Variants in ITPK1 observed in about 807,000 individuals in gnomAD.
ITPK1 encodes the protein inositol-tetrakisphosphate 1-kinase, also known as inositol 1,3,4-trisphosphate 5/6-kinase.
ITPK1 carries 21 observed loss-of-function variants against 45.3 expected under a neutral mutation model. The observed-to-expected ratio is 0.46, with a 90% confidence interval of 0.33 to 0.67. The LOEUF (loss-of-function observed/expected upper bound fraction) is 0.67. ITPK1 is among the 30% of genes least tolerant of loss of function. The pLI is 0.02. For missense variants in ITPK1, 474 were observed against 573.5 expected (o/e 0.83, Z 1.77); for synonymous variants, 258 against 253.6 (o/e 1.02, Z -0.16).
chr14:93,107,445 C>T (rs1234172138), intron 2 of ITPK1, among the ~76,000 whole-genome samples: 1 of 152,210 alleles, frequency 6.6e-6, no homozygotes, highest in African/African-American at 2.4e-5. Flanking sequence ...GCCTAAGTAT[C>T]AGTGAAGATT....
At position 92,939,654 on chromosome 14, in the gene ITPK1, T is replaced by C. The variant is rs948738532; in HGVS notation, c.*1907A>G. The stretch of plus-strand genomic sequence containing the variant: ...ACGACACCACATGGCAGTTACTCGG[T>C]ATCTGGGCCCTGGACGCGCAAGACC... On this transcript the variant is annotated 3_prime_UTR_variant, in exon 11 of 11. Transcript: ENST00000267615. 2 of 983,588 alleles carry C rather than the reference T, an allele frequency of 2.0e-6. No homozygotes were observed. The highest frequency in any genetic ancestry group is 1.2e-4 in the Admixed American group (2 of 16,194). 60.9% of individuals were successfully genotyped at this position (983,588 alleles called of 1,614,324 possible). A position where few individuals can be genotyped will look rare whatever the true frequency, so the allele number is the denominator to read the frequency against.
Position 93,083,279 on chromosome 14 carries a change from A to G in ITPK1, c.96-6660T>C, listed in dbSNP as rs189802311. 1.5e-3 allele frequency among the ~76,000 whole-genome samples: 224 copies of G among 152,220 alleles called. 1 individual carries two copies. Among genetic ancestry groups the G allele is most frequent in the African/African-American group, 5.3e-3 (222 of 41,524 alleles). ...CCTGCCACACAGCACAGCAGGGCACAAAAGGCTCAGGGACCATGACCAGCA... is the reference window on the plus strand; with the variant it reads ...CCTGCCACACAGCACAGCAGGGCACGAAAGGCTCAGGGACCATGACCAGCA... On this transcript the variant is annotated intron_variant, in intron 2 of 10. Coordinates refer to ENST00000267615, the MANE Select transcript of ITPK1 (RefSeq NM_014216.6).
At chr14:92,995,136 C>A (rs543471173) in intron 4 of ITPK1, among the ~76,000 whole-genome samples, 1 of 152,342 alleles carries the variant, frequency 6.6e-6, no homozygotes, top group East Asian at 1.9e-4. Context: ...ACTGCTGACG[C>A]CCTGACTGGA....
intron 5 of ITPK1, among the ~76,000 whole-genome samples, chr14:92,971,445 A>T (rs971314156): frequency 1.3e-5 from 2 of 152,212 alleles, no homozygotes; most frequent in African/African-American, 4.8e-5. Context: ...CATCCAGCAG[A>T]TGCTGAGGAT....
intron 9 of ITPK1, among the ~76,000 whole-genome samples, chr14:92,950,252 T>C (rs1407159109): frequency 6.6e-6 from 1 of 152,202 alleles, no homozygotes; most frequent in African/African-American, 2.4e-5. Context: ...GAGGAGGGCT[T>C]CCTGCACCAG....
At position 92,941,769 on chromosome 14, in the gene ITPK1, G is replaced by A. The variant is rs778995594; in HGVS notation, c.1037C>T (p.Ala346Val). Residue 346 changes from alanine (A) to valine (V), a missense_variant, in exon 11 of 11, where the codon GCG (alanine) becomes GTG (valine). Physicochemically the swap from Ala to Val is moderately conservative, Grantham distance 64. Around this residue, in one of 2 missense-constraint regions of ITPK1, gnomAD observed 367 missense variants for 480.6 expected, o/e 0.76. Transcript: ENST00000267615. ...LRHSKLLAEP[A>V]GGLVGERTCS... ...TGTCCGCTCGCCCACCAGGCCGCCC[G>A]CCGGCTCGGCCAGAAGCTTGCTGTG... is the stretch of plus-strand genomic sequence containing the variant. 131 of 1,606,356 alleles carry A rather than the reference G, an allele frequency of 8.2e-5. No individual in the cohort carries two copies. Among genetic ancestry groups the A allele is most frequent in the Admixed American group, 1.7e-4 (10 of 59,544 alleles).
Position 92,962,850 on chromosome 14 carries a change from C to T in ITPK1, c.365-1G>A. The T allele has an allele frequency of 6.2e-7, 1 of 1,610,780 alleles. No individual in the cohort carries two copies. Among genetic ancestry groups the T allele is most frequent in the Non-Finnish European group, 8.5e-7 (1 of 1,177,622 alleles). ...AAGGGTGGCGAGCAGATCCTGTCGTCTAGGGCAGAAGGGAGGCCTGGTCAG... is the reference window on the plus strand; with the variant it reads ...AAGGGTGGCGAGCAGATCCTGTCGTTTAGGGCAGAAGGGAGGCCTGGTCAG... On this transcript the variant is annotated splice_acceptor_variant, in intron 5 of 10. Coordinates refer to ENST00000267615, the MANE Select transcript of ITPK1 (RefSeq NM_014216.6). LOFTEE classifies it high-confidence loss of function.
At chr14:93,011,503 T>C (rs544996499) in intron 4 of ITPK1, among the ~76,000 whole-genome samples, 1 of 152,344 alleles carries the variant, frequency 6.6e-6, no homozygotes, top group Admixed American at 6.5e-5. Flanking sequence ...CAAGTGTGCA[T>C]TCTCTTCCGG....
chr14:93,080,261 G>A (rs555388423), intron 2 of ITPK1, among the ~76,000 whole-genome samples: 2 of 152,156 alleles, frequency 1.3e-5, no homozygotes, highest in South Asian at 2.1e-4. Flanking sequence ...ATCATGGCAG[G>A]GCCCCTGGTC....
intron 5 of ITPK1, among the ~76,000 whole-genome samples, chr14:92,980,761 C>T (rs1405539007): frequency 3.3e-5 from 5 of 152,124 alleles, no homozygotes; most frequent in South Asian, 2.1e-4. Flanking sequence ...CTATAACCTC[C>T]GCCTCCCAGG....
rs1889230373 is a variant in ITPK1 at position 93,034,523 on chromosome 14, G to T, written c.121-17722C>A. 1.3e-5 allele frequency among the ~76,000 whole-genome samples: 2 copies of T among 152,124 alleles called. No individual in the cohort carries two copies. Among genetic ancestry groups the T allele is most frequent in the African/African-American group, 4.8e-5 (2 of 41,424 alleles). ...GGGGAGGCGGGCTCCACCACAGCTGGCCCCCACTGGGCTGGGAGATCTGTC... is the reference window on the plus strand; with the variant it reads ...GGGGAGGCGGGCTCCACCACAGCTGTCCCCCACTGGGCTGGGAGATCTGTC... On this transcript the variant is annotated intron_variant, in intron 3 of 10. Coordinates refer to ENST00000267615, the MANE Select transcript of ITPK1 (RefSeq NM_014216.6). The surrounding 1 kb of genome is among the most constrained non-coding windows in gnomAD (Gnocchi z 4.1).
intron 4 of ITPK1, among the ~76,000 whole-genome samples, chr14:92,995,978 C>A (rs1177694145): frequency 6.6e-6 from 1 of 152,232 alleles, no homozygotes; most frequent in Non-Finnish European, 1.5e-5. Flanking sequence ...GGCACCATTC[C>A]GTCATCAGAG....
rs1056657156 is a variant in ITPK1, at chr14:92,941,628, G to C, written c.1178C>G (p.Ala393Gly). ...CTGCTGGAAGCTGGGCGACACGCCGGCGTTGCAGCCGAGTCTCTGGTGCGG... is the reference window on the plus strand; with the variant it reads ...CTGCTGGAAGCTGGGCGACACGCCGCCGTTGCAGCCGAGTCTCTGGTGCGG... ...KLPHQRLGCNAGVSPSFQQHC... is the reference protein window; with the variant it reads ...KLPHQRLGCNGGVSPSFQQHC... The change falls in exon 11 of 11, where the codon GCC (alanine) becomes GGC (glycine). Residue 393 changes from alanine to glycine, a missense_variant. By Grantham distance (60) the Ala-to-Gly change is moderately conservative (BLOSUM62 0). Transcript: ENST00000267615. The C allele has an allele frequency of 6.5e-7, 1 of 1,538,812 alleles. No homozygotes were observed. The highest frequency in any genetic ancestry group is 8.7e-7 in the Non-Finnish European group (1 of 1,144,710).
chr14:93,099,562 C>A (rs1438765280), intron 2 of ITPK1, among the ~76,000 whole-genome samples: 1 of 152,196 alleles, frequency 6.6e-6, no homozygotes, highest in African/African-American at 2.4e-5. Flanking sequence ...TGTCCACCCA[C>A]CCAGCTGGCT....
chr14:92,962,317 G>C (rs371949086), intron 7 of ITPK1, 38 bp downstream of exon 7: 52 of 1,500,182 alleles, frequency 3.5e-5, no homozygotes, highest in Admixed American at 1.2e-4. Flanking sequence ...CTGAAAGGAT[G>C]GGGGTCAGGG....
At position 92,938,336 on chromosome 14, in the gene ITPK1, T is replaced by G; in HGVS notation, c.*3225A>C. 1 of 685,244 alleles carries G rather than the reference T, an allele frequency of 1.5e-6. No homozygotes were observed. Among genetic ancestry groups the G allele is most frequent in the Non-Finnish European group, 2.7e-6 (1 of 373,084 alleles). 42.4% of individuals were successfully genotyped at this position (685,244 alleles called of 1,614,324 possible). A position where few individuals can be genotyped will look rare whatever the true frequency, so the allele number is the denominator to read the frequency against. On this transcript the variant is annotated 3_prime_UTR_variant, in exon 11 of 11. Coordinates refer to ENST00000267615, the MANE Select transcript of ITPK1 (RefSeq NM_014216.6). ...GAAGCCATTCAGCAGTTGTGGCCAG[T>G]GGCCAATGTGAGTGCCCAAGAGCCA...
At chr14:93,018,193 C>T (rs1165872091) in intron 3 of ITPK1, among the ~76,000 whole-genome samples, 2 of 152,134 alleles carry the variant, frequency 1.3e-5, no homozygotes, top group Non-Finnish European at 2.9e-5. Flanking sequence ...TTTGCAGCAT[C>T]CTCACGCCCC....
In ITPK1 at chr14:93,022,874, A is replaced by G. The variant is rs75205646; in HGVS notation, c.121-6073T>C. Among the ~76,000 whole-genome samples, 22 of 152,298 alleles carry G rather than the reference A, an allele frequency of 1.4e-4. No homozygotes were observed. The East Asian group carries it at 4.3e-3, about 29-fold the overall frequency. ...ACAAAAAAACAAAAACAAAGAAAAA[A>G]ACAGTAACTGAGATGACAATGAAGA... is the stretch of plus-strand genomic sequence containing the variant. On this transcript the variant is annotated intron_variant, in intron 3 of 10. Transcript: ENST00000267615.
At position 92,947,404 on chromosome 14, in the gene ITPK1, C is replaced by T. The variant is rs149719045; in HGVS notation, c.739-911G>A. 9.0e-3 allele frequency among the ~76,000 whole-genome samples: 1,369 copies of T among 152,358 alleles called. 14 individuals carry two copies. The highest frequency in any genetic ancestry group is 0.031 in the African/African-American group (1,284 of 41,580). On this transcript the variant is annotated intron_variant, in intron 9 of 10. Coordinates refer to ENST00000267615, the MANE Select transcript of ITPK1 (RefSeq NM_014216.6). ...GCAGCTGGCCTGGGACAGGCACACA[C>T]TGTCATGGGCTCAGCCTGCCCCCAG...
Sources: allele counts gnomAD v4.1 joint callset (sites outside exome capture counted in the v4.1 genomes callset), GRCh38; gene constraint gnomAD v4.1.1; regional missense constraint gnomAD v4.1.1; non-coding constraint Gnocchi (gnomAD v3.1); transcripts MANE v1.5; gene names NCBI Gene and HGNC (gene_info 2026-07-23, HGNC 2026-07-21).